The following SLIT3 variants were observed in gnomAD, a reference collection of about 807,000 sequenced individuals.
SLIT3 encodes the protein slit homolog 3 protein.
Under a neutral mutation model 184.0 loss-of-function variants are expected in SLIT3, and 68 were observed. The ratio of observed to expected loss-of-function variants is 0.37; its 90% CI spans 0.30 to 0.45. The LOEUF is 0.45. Among genes scored for constraint, SLIT3 ranks in the 20% least tolerant of loss-of-function variants. The pLI, the probability that SLIT3 is intolerant of heterozygous loss-of-function variation, is 1.00. For missense variants in SLIT3, 1,707 were observed against 2,026.0 expected, an observed-to-expected ratio of 0.84 and a Z score of 3.02; for synonymous variants, 831 against 828.6, an observed-to-expected ratio of 1.00 and a Z score of -0.05.
At chr5:169,156,933 T>A (rs1300405790) in intron 4 of SLIT3, among the ~76,000 whole-genome samples, 1 of 152,132 alleles carries the variant, frequency 6.6e-6, no homozygotes, top group African/African-American at 2.4e-5. Flanking sequence ...TCTCTGGGTT[T>A]TCCTTTTGCT....
intron 32 of SLIT3, 62 bp from the exon 33 acceptor site, chr5:168,673,393 C>T (rs1441710375): frequency 1.3e-6 from 2 of 1,522,630 alleles, no homozygotes; most frequent in East Asian, 4.6e-5. Flanking sequence ...TGGCTGGGCC[C>T]TGTGCTGTGG....
At chr5:169,007,755 A>C (rs1755987698) in intron 4 of SLIT3, among the ~76,000 whole-genome samples, 1 of 152,220 alleles carries the variant, frequency 6.6e-6, no homozygotes, top group Non-Finnish European at 1.5e-5. Context: ...CCTTTAACTA[A>C]TGCAGTTATA....
chr5:168,876,193 C>T (rs1759724182), intron 5 of SLIT3, among the ~76,000 whole-genome samples: 1 of 152,150 alleles, frequency 6.6e-6, no homozygotes, highest in Admixed American at 6.5e-5. Flanking sequence ...CAGTTTGACT[C>T]TGCCTTTTTA....
intron 1 of SLIT3, among the ~76,000 whole-genome samples, chr5:169,283,661 A>G (rs1767063544): frequency 6.6e-6 from 1 of 152,220 alleles, no homozygotes; most frequent in African/African-American, 2.4e-5. Context: ...GGGACTTATG[A>G]CAATTTCACA....
intron 4 of SLIT3, among the ~76,000 whole-genome samples, chr5:169,088,317 A>G (rs1187879719): frequency 6.6e-6 from 1 of 152,102 alleles, no homozygotes; most frequent in Admixed American, 6.5e-5. Flanking sequence ...ACGTATTACA[A>G]AGGGTCCATC....
intron 1 of SLIT3, among the ~76,000 whole-genome samples, chr5:169,255,236 T>C (rs1223956477): frequency 6.6e-6 from 1 of 152,232 alleles, no homozygotes; most frequent in Non-Finnish European, 1.5e-5. Context: ...CTTCTACTTA[T>C]TTTAAAAAAT....
At chr5:169,290,272 CA>C (rs1767303638) in intron 1 of SLIT3, among the ~76,000 whole-genome samples, 1 of 149,494 alleles carries the variant, frequency 6.7e-6, no homozygotes, top group Non-Finnish European at 1.5e-5. Context: ...CATATTAGGG[CA>C]TATGCTAGGG....
chr5:168,999,272 T>G (rs897377515), intron 4 of SLIT3, among the ~76,000 whole-genome samples: 3 of 152,138 alleles, frequency 2.0e-5, no homozygotes, highest in Non-Finnish European at 4.4e-5. Context: ...CCTCTGGCTC[T>G]GGAGTGGGAT....
chr5:168,821,313 G>A (rs1475711105), intron 7 of SLIT3, among the ~76,000 whole-genome samples: 1 of 152,188 alleles, frequency 6.6e-6, no homozygotes, highest in Non-Finnish European at 1.5e-5. Context: ...TAACAAAGAA[G>A]GGAAGGATAA....
intron 6 of SLIT3, among the ~76,000 whole-genome samples, chr5:168,840,549 C>A (rs1758206589): frequency 1.3e-5 from 2 of 151,894 alleles, no homozygotes; most frequent in Admixed American, 6.6e-5. Context: ...GCTAGAAACC[C>A]AGGGCTCAGA....
chr5:168,736,015 ACT>A (rs372772137), intron 20 of SLIT3, among the ~76,000 whole-genome samples: 67 of 151,650 alleles, frequency 4.4e-4, no homozygotes, highest in Middle Eastern at 3.4e-3. Context: ...TGTTCTTTCT[ACT>A]CTGTTTCCCT....
chr5:169,034,304 C>CA (rs151272444), intron 4 of SLIT3, among the ~76,000 whole-genome samples: 2,407 of 151,732 alleles, frequency 0.016, 51 homozygotes, highest in African/African-American at 0.055. Flanking sequence ...GTGCAATATC[C>CA]AAAAAAAACC....
chr5:168,944,625 C>A (rs893988265), intron 4 of SLIT3, among the ~76,000 whole-genome samples: 10 of 152,004 alleles, frequency 6.6e-5, no homozygotes, highest in Non-Finnish European at 1.3e-4. Flanking sequence ...AAAAAATGAC[C>A]TGAAAGAGGA....
intron 1 of SLIT3, among the ~76,000 whole-genome samples, chr5:169,297,881 T>C (rs1767560143): frequency 6.6e-6 from 1 of 152,242 alleles, no homozygotes. Flanking sequence ...ATAACAGGCA[T>C]GAGCCACTGC....
intron 3 of SLIT3, among the ~76,000 whole-genome samples, chr5:169,197,678 G>A (rs1269113694): frequency 6.6e-6 from 1 of 152,150 alleles, no homozygotes; most frequent in Non-Finnish European, 1.5e-5. Flanking sequence ...ACTCATATGA[G>A]GACAGAACTG....
chr5:168,817,983 A>G (rs2113658231), intron 7 of SLIT3, among the ~76,000 whole-genome samples: 1 of 140,510 alleles, frequency 7.1e-6, no homozygotes, highest in East Asian at 1.9e-4. Flanking sequence ...CACTGCATGT[A>G]ATGCTTGTGG....
At chr5:169,195,988 C>T (rs1427634401) in intron 3 of SLIT3, among the ~76,000 whole-genome samples, 1 of 152,100 alleles carries the variant, frequency 6.6e-6, no homozygotes, top group Non-Finnish European at 1.5e-5. Context: ...AACTAATCTC[C>T]AGAACTTTTT....
At chr5:169,225,254 G>C (rs1431272776) in intron 3 of SLIT3, among the ~76,000 whole-genome samples, 1 of 152,192 alleles carries the variant, frequency 6.6e-6, no homozygotes, top group Admixed American at 6.5e-5. Flanking sequence ...ACTACTGGAA[G>C]TTTTTCTAGA....
chr5:168,755,480 G>A (rs551336219), intron 16 of SLIT3, among the ~76,000 whole-genome samples: 2 of 141,348 alleles, frequency 1.4e-5, no homozygotes, highest in South Asian at 2.4e-4. Flanking sequence ...TGTTGCCCAG[G>A]CTAGAGAGCA....
Sources: gnomAD v4.1 joint callset for allele counts (sites outside exome capture counted in the v4.1 genomes callset) on GRCh38, gnomAD v4.1.1 for gene constraint, MANE v1.5 for transcripts, NCBI Gene and HGNC (gene_info 2026-07-23, HGNC 2026-07-21) for gene names.